Variants in CDH6 observed in about 807,000 individuals in gnomAD.
CDH6 encodes the protein cadherin-6.
In CDH6, 31 loss-of-function variants were observed where a neutral mutation model predicts 78.0. The ratio of observed to expected loss-of-function variants is 0.40; its 90% CI spans 0.30 to 0.54. The LOEUF (loss-of-function observed/expected upper bound fraction) is 0.54. Ranked by LOEUF, CDH6 falls within the 20% of genes least tolerant of loss-of-function variation. The pLI is 0.56. For synonymous variants in CDH6, 376 were observed against 368.8 expected, an observed-to-expected ratio of 1.02 and a Z score of -0.23; for missense variants, 724 against 975.9, an observed-to-expected ratio of 0.74 and a Z score of 3.44.
Position 31,199,480 on chromosome 5 carries a change from G to GTATATATACACACATGTGTA in CDH6, c.-129+5601_-129+5602insACACACATGTGTATATATAT, listed in dbSNP as rs35730764. Among the ~76,000 whole-genome samples, 269 of 32,072 alleles carry GTATATATACACACATGTGTA rather than the reference G, an allele frequency of 8.4e-3. 1 individual carries two copies. Among genetic ancestry groups the GTATATATACACACATGTGTA allele is most frequent in the African/African-American group, 0.025 (259 of 10,252 alleles). 21.0% of individuals were successfully genotyped at this position (32,072 alleles called of 152,430 possible). ...TGTGTATATATACACACACATATGTGTATATATGTACACACACATATGTGT... is the reference window on the plus strand; with the variant it reads ...TGTGTATATATACACACACATATGTGTATATATACACACATGTGTATATATATGTACACACACATATGTGT... On this transcript the variant is annotated intron_variant, in intron 1 of 11. Transcript: ENST00000265071.
chr5:31,313,310 A>G lies in CDH6; in HGVS notation c.1254-8A>G. The G allele has an allele frequency of 6.2e-7, 1 of 1,608,098 alleles. No individual in the cohort carries two copies. The highest frequency in any genetic ancestry group is 8.5e-7 in the Non-Finnish European group (1 of 1,175,294). On this transcript the variant is annotated splice_polypyrimidine_tract_variant and splice_region_variant and intron_variant, in intron 7 of 11. Transcript: ENST00000265071. ...AAAGCCTTTCTTAATTCCACTCTGC[A>G]TTTTCAGGTACTCTGTAGATCGACA... is the stretch of plus-strand genomic sequence containing the variant.
chr5:31,312,728 G>A (rs1738193047), intron 7 of CDH6, among the ~76,000 whole-genome samples: 1 of 151,924 alleles, frequency 6.6e-6, no homozygotes, highest in Admixed American at 6.6e-5. Context: ...AAAAACCCTT[G>A]GGTAGATTCG....
intron 2 of CDH6, among the ~76,000 whole-genome samples, chr5:31,278,111 A>G (rs1009714556): frequency 2.0e-5 from 3 of 152,128 alleles, no homozygotes; most frequent in Non-Finnish European, 2.9e-5. Context: ...TTTGATTTCT[A>G]TGCCTCCCAA....
At chr5:31,273,966 G>T (rs1742609233) in intron 2 of CDH6, among the ~76,000 whole-genome samples, 1 of 151,960 alleles carries the variant, frequency 6.6e-6, no homozygotes, top group Non-Finnish European at 1.5e-5. Flanking sequence ...TTCCGTTCTG[G>T]TTCAATGACC....
At chr5:31,319,035 A>G (rs1190133927) in intron 11 of CDH6, 1 of 196,134 alleles carries the variant, frequency 5.1e-6, no homozygotes, top group Non-Finnish European at 1.1e-5. Flanking sequence ...ACAGTGTGCA[A>G]AGACAAATCA....
intron 11 of CDH6, among the ~76,000 whole-genome samples, chr5:31,321,232 GTGAA>G (rs1259194930): frequency 3.0e-5 from 4 of 133,484 alleles, no homozygotes; most frequent in Non-Finnish European, 6.2e-5. Context: ...TATCAAATGC[GTGAA>G]TGAATAAATA....
intron 2 of CDH6, among the ~76,000 whole-genome samples, chr5:31,280,958 T>TA (rs1329532134): frequency 1.3e-5 from 2 of 152,134 alleles, no homozygotes; most frequent in African/African-American, 4.8e-5. Context: ...TAGAATCATT[T>TA]GCTATTAATT....
intron 1 of CDH6, among the ~76,000 whole-genome samples, chr5:31,219,699 C>T (rs1740958045): frequency 6.6e-6 from 1 of 152,076 alleles, no homozygotes; most frequent in Admixed American, 6.6e-5. Flanking sequence ...TTCCAAGTTC[C>T]AGGAGGGAAA....
intron 1 of CDH6, among the ~76,000 whole-genome samples, chr5:31,221,665 C>T (rs1295490098): frequency 6.6e-6 from 1 of 152,150 alleles, no homozygotes; most frequent in Non-Finnish European, 1.5e-5. Flanking sequence ...CCATCTTGCA[C>T]TTGATCTTTT....
At chr5:31,305,576 ACT>A in intron 7 of CDH6, 149 bp downstream of exon 7, 1 of 762,764 alleles carries the variant, frequency 1.3e-6, no homozygotes, top group South Asian at 1.9e-5. Flanking sequence ...AGCACCTTTA[ACT>A]CTCTTTGCTC....
At chr5:31,265,465 A>G (rs1742315596) in intron 1 of CDH6, among the ~76,000 whole-genome samples, 1 of 152,234 alleles carries the variant, frequency 6.6e-6, no homozygotes, top group African/African-American at 2.4e-5. Flanking sequence ...ATACTATAAA[A>G]TATTTCACTT....
At chr5:31,314,736 G>T (rs895301747) in intron 8 of CDH6, among the ~76,000 whole-genome samples, 3 of 152,054 alleles carry the variant, frequency 2.0e-5, no homozygotes, top group African/African-American at 7.2e-5. Context: ...ATTTCCCACT[G>T]AAAATGACCA....
chr5:31,270,873 T>C (rs1039304629), intron 2 of CDH6, among the ~76,000 whole-genome samples: 2 of 152,020 alleles, frequency 1.3e-5, no homozygotes, highest in Non-Finnish European at 2.9e-5. Flanking sequence ...CCCTGAAAAT[T>C]GTTAAATATT....
intron 2 of CDH6, among the ~76,000 whole-genome samples, chr5:31,269,880 T>C (rs944694013): frequency 2.3e-4 from 35 of 152,236 alleles, no homozygotes; most frequent in Non-Finnish European, 4.1e-4. Flanking sequence ...ATGAGATATT[T>C]GCTGGAAAAA....
intron 8 of CDH6, 70 bp from the exon 9 acceptor site, chr5:31,316,138 C>A: frequency 2.7e-6 from 4 of 1,507,534 alleles, no homozygotes; most frequent in Non-Finnish European, 3.6e-6. Context: ...AGGAGTTGAG[C>A]GGATGTTGTC....
chr5:31,239,048 G>T (rs1741527753), intron 1 of CDH6, among the ~76,000 whole-genome samples: 2 of 152,216 alleles, frequency 1.3e-5, no homozygotes, highest in African/African-American at 4.8e-5. Context: ...GATATTGCTG[G>T]TTAGGGCATC....
chr5:31,213,379 C>T (rs140124249), intron 1 of CDH6, among the ~76,000 whole-genome samples: 4 of 152,226 alleles, frequency 2.6e-5, no homozygotes, highest in Non-Finnish European at 4.4e-5. Context: ...CAGGAATTGG[C>T]TGTTGGTGTC....
intron 11 of CDH6, 124 bp downstream of exon 11, chr5:31,318,048 CAT>C: frequency 8.7e-7 from 1 of 1,149,784 alleles, no homozygotes; most frequent in East Asian, 2.3e-5. Context: ...AGTCGAGTTA[CAT>C]ACTGAGAATC....
At position 31,269,767 on chromosome 5, in the gene CDH6, C is replaced by A. The variant is rs538471641; in HGVS notation, c.228+2066C>A. 2.0e-5 allele frequency among the ~76,000 whole-genome samples: 3 copies of A among 152,270 alleles called. No homozygotes were observed. The South Asian group carries it at 6.2e-4, about 32-fold the overall frequency. Reference sequence around the variant, plus strand: ...TTACAACCACAGCTTTGACTGGATTCGTTGGATTTGGATATTTTATGGGCA... The same window carrying A: ...TTACAACCACAGCTTTGACTGGATTAGTTGGATTTGGATATTTTATGGGCA... On this transcript the variant is annotated intron_variant, in intron 2 of 11. Coordinates refer to ENST00000265071, the MANE Select transcript of CDH6 (RefSeq NM_004932.4).
Sources: allele counts gnomAD v4.1 joint callset (sites outside exome capture counted in the v4.1 genomes callset), GRCh38; gene constraint gnomAD v4.1.1; transcripts MANE v1.5; gene names NCBI Gene and HGNC (gene_info 2026-07-23, HGNC 2026-07-21).